The following ACTR3C variants were observed in gnomAD, a reference collection of about 807,000 sequenced individuals.
ACTR3C encodes actin related protein 3C.
ACTR3C carries 18 observed loss-of-function variants against 26.3 expected under a neutral mutation model. That is an observed-to-expected ratio of 0.68 (90% CI 0.47 to 1.01). The LOEUF (loss-of-function observed/expected upper bound fraction) is 1.01. Among genes scored for constraint, ACTR3C ranks in the 50% least tolerant of loss-of-function variants. ACTR3C has a pLI of 0.00. For synonymous variants in ACTR3C, 55 were observed against 94.5 expected (o/e 0.58, Z 2.42); for missense variants, 184 against 250.7 (o/e 0.73, Z 1.80).
At chr7:150,013,729 C>T in the ACTR3C span, among the ~76,000 whole-genome samples, 1 of 152,204 alleles carries the variant, frequency 6.6e-6, no homozygotes, top group Non-Finnish European at 1.5e-5. Flanking sequence ...ATACCTAGAC[C>T]TCAGTCATGC....
At chr7:150,033,788 T>G in the ACTR3C span, among the ~76,000 whole-genome samples, 5 of 140,834 alleles carry the variant, frequency 3.6e-5, no homozygotes, top group Admixed American at 1.4e-4. Context: ...ATGGGGGTCC[T>G]CAGAGCCAGG....
chr7:150,219,348 T>A, the ACTR3C span, among the ~76,000 whole-genome samples: 1 of 147,634 alleles, frequency 6.8e-6, no homozygotes, highest in Admixed American at 6.6e-5. Context: ...TCAGTCTGCA[T>A]ATCAAGGACT....
chr7:150,186,936 T>TA, the ACTR3C span, among the ~76,000 whole-genome samples: 30 of 152,108 alleles, frequency 2.0e-4, no homozygotes, highest in African/African-American at 6.7e-4. Context: ...ATTTGTTTTT[T>TA]AAAAAAAAGG....
At chr7:149,888,789 C>G in the ACTR3C span, among the ~76,000 whole-genome samples, 2 of 152,124 alleles carry the variant, frequency 1.3e-5, no homozygotes, top group Non-Finnish European at 2.9e-5. Flanking sequence ...GGGTGGATCA[C>G]CTGAGGTCAG....
At chr7:150,172,843 T>C in the ACTR3C span, among the ~76,000 whole-genome samples, 1 of 150,532 alleles carries the variant, frequency 6.6e-6, no homozygotes, top group Non-Finnish European at 1.5e-5. Context: ...CCCATGCAAG[T>C]CTGAAATCCA....
At chr7:150,003,588 T>C in the ACTR3C span, among the ~76,000 whole-genome samples, 1 of 152,156 alleles carries the variant, frequency 6.6e-6, no homozygotes, top group African/African-American at 2.4e-5. Flanking sequence ...ACATGTGGTA[T>C]GTAGTGTGTG....
chr7:149,927,660 G>A, the ACTR3C span, among the ~76,000 whole-genome samples: 6 of 151,542 alleles, frequency 4.0e-5, no homozygotes, highest in South Asian at 2.1e-4. Flanking sequence ...CCCGGGAGGC[G>A]GAGGTTGTGG....
chr7:150,300,388 A>T (rs1031764725), intron 1 of ACTR3C, among the ~76,000 whole-genome samples: 1 of 152,084 alleles, frequency 6.6e-6, no homozygotes, highest in African/African-American at 2.4e-5. Flanking sequence ...GAACAAAAAC[A>T]AGTGTGTGCT....
the ACTR3C span, among the ~76,000 whole-genome samples, chr7:150,198,569 G>A: frequency 6.8e-6 from 1 of 147,914 alleles, no homozygotes; most frequent in Non-Finnish European, 1.5e-5. Flanking sequence ...GTCTCTGCCC[G>A]GCCGCCCCGT....
At chr7:149,911,968 C>T in the ACTR3C span, among the ~76,000 whole-genome samples, 1 of 149,150 alleles carries the variant, frequency 6.7e-6, no homozygotes, top group Non-Finnish European at 1.5e-5. Context: ...TATGACTGCA[C>T]CACTGCCCTG....
At chr7:149,992,856 G>A in the ACTR3C span, among the ~76,000 whole-genome samples, 3 of 152,174 alleles carry the variant, frequency 2.0e-5, no homozygotes, top group Admixed American at 6.5e-5. Context: ...AGCCGGTAGT[G>A]GCTCAGTCCA....
the ACTR3C span, among the ~76,000 whole-genome samples, chr7:150,014,179 G>C: frequency 7.9e-3 from 1,209 of 152,306 alleles, 4 homozygotes; most frequent in Non-Finnish European, 0.013. Context: ...GCATAGGCCG[G>C]GCACGGTGGC....
the ACTR3C span, chr7:150,000,956 T>G: frequency 6.6e-6 from 1 of 151,566 alleles, no homozygotes; most frequent in Non-Finnish European, 1.5e-5. Context: ...GGACGCTGTC[T>G]TTTCTGTGCT....
At chr7:150,265,424 T>C (rs76042735) in intron 6 of ACTR3C, among the ~76,000 whole-genome samples, 4,392 of 151,888 alleles carry the variant, frequency 0.029, 206 homozygotes, top group African/African-American at 0.099. Context: ...TCTGGCATGA[T>C]GGCTTATGCC....
the ACTR3C span, among the ~76,000 whole-genome samples, chr7:150,094,104 G>A: frequency 6.6e-6 from 1 of 150,616 alleles, no homozygotes; most frequent in Admixed American, 6.6e-5. Flanking sequence ...CGTGGCCTCA[G>A]AGCCTACCCT....
the ACTR3C span, among the ~76,000 whole-genome samples, chr7:150,200,980 A>G: frequency 2.0e-5 from 3 of 152,208 alleles, no homozygotes; most frequent in Non-Finnish European, 2.9e-5. Flanking sequence ...GTAAATGTAC[A>G]TTATTTATTT....
chr7:149,893,114 A>C, the ACTR3C span, among the ~76,000 whole-genome samples: 89,866 of 152,054 alleles, frequency 0.59, 29,367 homozygotes, highest in South Asian at 0.79. Context: ...GGCATCACAA[A>C]GATTCCATTT....
the ACTR3C span, among the ~76,000 whole-genome samples, chr7:150,034,921 G>A: frequency 2.0e-4 from 26 of 129,206 alleles, no homozygotes; most frequent in African/African-American, 5.9e-4. Context: ...CCCTGCGATG[G>A]GGGTACTAAC....
chr7:150,042,116 T>C, the ACTR3C span, among the ~76,000 whole-genome samples: 2 of 48,578 alleles, frequency 4.1e-5, no homozygotes, highest in Admixed American at 2.2e-4. Context: ...CTCCCCCCTC[T>C]GCGATGGGGG....
Sources: gnomAD v4.1 joint callset for allele counts (sites outside exome capture counted in the v4.1 genomes callset) on GRCh38, gnomAD v4.1.1 for gene constraint, MANE v1.5 for transcripts, NCBI Gene and HGNC (gene_info 2026-07-23, HGNC 2026-07-21) for gene names.